Variants in CNTN4 observed in about 807,000 individuals in gnomAD.
CNTN4 encodes contactin-4.
In CNTN4, 77 loss-of-function variants were observed where a neutral mutation model predicts 122.5. The ratio of observed to expected loss-of-function variants is 0.63; its 90% CI spans 0.52 to 0.76. CNTN4 has a LOEUF of 0.76. Among genes scored for constraint, CNTN4 ranks in the 30% least tolerant of loss-of-function variants. CNTN4 has a pLI of 0.00. For missense variants in CNTN4, 1,256 were observed against 1,259.1 expected (o/e 1.00, Z 0.04); for synonymous variants, 512 against 447.0 (o/e 1.15, Z -1.83).
chr3:2,663,714 G>T (rs1463127484), intron 4 of CNTN4, among the ~76,000 whole-genome samples: 2 of 152,056 alleles, frequency 1.3e-5, no homozygotes, highest in African/African-American at 4.8e-5. Context: ...AGGGAAGAAA[G>T]AATTTTTTAA....
At chr3:2,320,891 A>C (rs2043255209) in intron 2 of CNTN4, among the ~76,000 whole-genome samples, 1 of 152,162 alleles carries the variant, frequency 6.6e-6, no homozygotes. Flanking sequence ...AACAGTTATA[A>C]TTAGGAATAA....
chr3:2,462,545 C>T (rs62233819), intron 3 of CNTN4, among the ~76,000 whole-genome samples: 27,935 of 152,092 alleles, frequency 0.18, 3,254 homozygotes, highest in Middle Eastern at 0.28. Flanking sequence ...ATGTTTCAGG[C>T]GTTTTCTTTT....
intron 7 of CNTN4, among the ~76,000 whole-genome samples, chr3:2,843,909 C>G (rs1390664835): frequency 6.6e-6 from 1 of 152,202 alleles, no homozygotes; most frequent in Non-Finnish European, 1.5e-5. Flanking sequence ...TTCTCCCTGG[C>G]CAAAAGCCCT....
intron 16 of CNTN4, among the ~76,000 whole-genome samples, chr3:3,034,381 G>A (rs1217641892): frequency 6.6e-6 from 1 of 152,076 alleles, no homozygotes; most frequent in Non-Finnish European, 1.5e-5. Flanking sequence ...GTAATTATTT[G>A]TTTACCTATT....
At chr3:2,515,083 G>C (rs964582377) in intron 3 of CNTN4, among the ~76,000 whole-genome samples, 15 of 152,034 alleles carry the variant, frequency 9.9e-5, no homozygotes, top group Non-Finnish European at 2.1e-4. Context: ...CGGATTGTCT[G>C]CTCATTTGCA....
At chr3:2,430,369 C>T (rs1446502952) in intron 3 of CNTN4, among the ~76,000 whole-genome samples, 2 of 150,260 alleles carry the variant, frequency 1.3e-5, no homozygotes, top group Non-Finnish European at 3.0e-5. Flanking sequence ...TTGCAGTGAG[C>T]CAAGATTGGG....
chr3:2,579,631 G>A (rs917139216), intron 4 of CNTN4, among the ~76,000 whole-genome samples: 1 of 152,030 alleles, frequency 6.6e-6, no homozygotes, highest in Non-Finnish European at 1.5e-5. Flanking sequence ...TTTGCACTTA[G>A]TGCAGCATCT....
intron 2 of CNTN4, among the ~76,000 whole-genome samples, chr3:2,205,178 A>G (rs2038281400): frequency 6.6e-6 from 1 of 151,342 alleles, no homozygotes; most frequent in African/African-American, 2.4e-5. Flanking sequence ...TACTCATCAT[A>G]CTTTTAAATA....
intron 3 of CNTN4, among the ~76,000 whole-genome samples, chr3:2,440,461 C>T (rs749648230): frequency 7.9e-5 from 12 of 152,092 alleles, no homozygotes; most frequent in Non-Finnish European, 1.6e-4. Flanking sequence ...ATATTGTGAG[C>T]AGATAATTTG....
intron 14 of CNTN4, among the ~76,000 whole-genome samples, chr3:3,024,285 A>G (rs1559801114): frequency 6.6e-6 from 1 of 151,720 alleles, no homozygotes; most frequent in Non-Finnish European, 1.5e-5. Flanking sequence ...TCTTGAGGAA[A>G]ATGTAAATTT....
intron 12 of CNTN4, among the ~76,000 whole-genome samples, chr3:2,920,320 T>TTGGCCGGGCGCGGTGACTC (rs1553693661): frequency 3.4e-5 from 5 of 147,130 alleles, no homozygotes; most frequent in African/African-American, 1.3e-4. Context: ...GGAGGCTGGA[T>TTGGCCGGGCGCGGTGACTC]ATGACTGTGA....
chr3:3,045,586 C>A (rs377330333), intron 23 of CNTN4, among the ~76,000 whole-genome samples: 6 of 152,210 alleles, frequency 3.9e-5, no homozygotes, highest in South Asian at 4.1e-4. Context: ...TTAGAAGGAA[C>A]ACTAACAAAC....
At chr3:2,928,274 A>G (rs2094491319) in intron 13 of CNTN4, among the ~76,000 whole-genome samples, 2 of 152,256 alleles carry the variant, frequency 1.3e-5, no homozygotes, top group Admixed American at 1.3e-4. Flanking sequence ...TTCTGAGAAC[A>G]TGAAGTGGAA....
intron 10 of CNTN4, among the ~76,000 whole-genome samples, chr3:2,895,698 G>A (rs2094101293): frequency 6.6e-6 from 1 of 152,160 alleles, no homozygotes; most frequent in South Asian, 2.1e-4. Context: ...GAATCCTGTT[G>A]GTTTAAGAGA....
At chr3:2,289,965 A>G (rs553137328) in intron 2 of CNTN4, among the ~76,000 whole-genome samples, 1 of 151,226 alleles carries the variant, frequency 6.6e-6, no homozygotes, top group Admixed American at 6.7e-5. Context: ...CAGAATGTTC[A>G]TTATTAGTAT....
chr3:2,754,085 T>C (rs1474336239), intron 6 of CNTN4, among the ~76,000 whole-genome samples: 1 of 152,256 alleles, frequency 6.6e-6, no homozygotes, highest in Non-Finnish European at 1.5e-5. Flanking sequence ...GAAATATTTG[T>C]ATAAGCTTCT....
At chr3:2,191,818 G>T (rs763208961) in intron 2 of CNTN4, among the ~76,000 whole-genome samples, 2 of 152,032 alleles carry the variant, frequency 1.3e-5, no homozygotes, top group African/African-American at 4.8e-5. Context: ...CCATGTTGGT[G>T]TGCTGCACCC....
intron 12 of CNTN4, among the ~76,000 whole-genome samples, chr3:2,911,358 C>T (rs1474029729): frequency 6.6e-6 from 1 of 152,150 alleles, no homozygotes; most frequent in Non-Finnish European, 1.5e-5. Context: ...ACCAACAAAT[C>T]TTCAATTAGG....
At chr3:2,972,761 C>G (rs1035528567) in intron 13 of CNTN4, among the ~76,000 whole-genome samples, 6 of 152,138 alleles carry the variant, frequency 3.9e-5, no homozygotes, top group Non-Finnish European at 8.8e-5. Context: ...ATATTATCCT[C>G]TTCTTTGCTT....
Sources: gnomAD v4.1 joint callset for allele counts (sites outside exome capture counted in the v4.1 genomes callset) on GRCh38, gnomAD v4.1.1 for gene constraint, MANE v1.5 for transcripts, NCBI Gene and HGNC (gene_info 2026-07-23, HGNC 2026-07-21) for gene names.